Variants in DPH6 observed in about 807,000 individuals in gnomAD.
DPH6 encodes the protein diphthine--ammonia ligase.
DPH6 carries 33 observed loss-of-function variants against 38.2 expected under a neutral mutation model. That is an observed-to-expected ratio of 0.86 (90% confidence interval 0.65 to 1.15). DPH6 has a LOEUF of 1.15. Ranked by LOEUF, DPH6 falls within the 50% of genes most tolerant of loss-of-function variation. The pLI, the probability that DPH6 is intolerant of heterozygous loss-of-function variation, is 0.00. For synonymous variants in DPH6, 108 were observed against 103.0 expected (o/e 1.05, Z -0.30); for missense variants, 325 against 320.0 (o/e 1.02, Z -0.12).
the DPH6 span, among the ~76,000 whole-genome samples, chr15:35,151,743 A>G: frequency 1.1e-4 from 16 of 152,256 alleles, no homozygotes; most frequent in Non-Finnish European, 2.9e-5. Flanking sequence ...CTGAACTAGA[A>G]TAAGAAAGCT....
chr15:35,236,046 T>C (rs2140396314), intron 3 of DPH6, among the ~76,000 whole-genome samples: 1 of 152,312 alleles, frequency 6.6e-6, no homozygotes, highest in African/African-American at 2.4e-5. Context: ...ATCAAGTATT[T>C]AGATAGAACC....
chr15:35,336,388 T>C (rs914834175), intron 3 of DPH6, among the ~76,000 whole-genome samples: 2 of 152,158 alleles, frequency 1.3e-5, no homozygotes, highest in Admixed American at 1.3e-4. Context: ...CTTTTTTCTC[T>C]AAACTTCTCT....
At chr15:35,270,926 GA>G in intron 3 of DPH6, among the ~76,000 whole-genome samples, 1 of 152,292 alleles carries the variant, frequency 6.6e-6, no homozygotes, top group Admixed American at 6.5e-5. Context: ...CAGACACAGA[GA>G]AGTTCAGTAA....
chr15:35,256,422 C>A (rs181801355), intron 3 of DPH6, among the ~76,000 whole-genome samples: 2 of 152,236 alleles, frequency 1.3e-5, no homozygotes, highest in Admixed American at 1.3e-4. Flanking sequence ...CATGGTTAAA[C>A]CACAGTTATG....
At chr15:35,477,804 T>C (rs948507339) in intron 3 of DPH6, among the ~76,000 whole-genome samples, 4 of 151,878 alleles carry the variant, frequency 2.6e-5, no homozygotes, top group Non-Finnish European at 4.4e-5. Flanking sequence ...AAAAAGAAAA[T>C]TAGTGATAAT....
At chr15:35,162,842 A>G in the DPH6 span, among the ~76,000 whole-genome samples, 210 of 152,010 alleles carry the variant, frequency 1.4e-3, 1 homozygote, top group Non-Finnish European at 2.3e-3. Context: ...AGAAATTGCT[A>G]CTTATAAATT....
At chr15:35,333,244 A>G (rs896128077) in intron 3 of DPH6, among the ~76,000 whole-genome samples, 1 of 152,208 alleles carries the variant, frequency 6.6e-6, no homozygotes, top group Non-Finnish European at 1.5e-5. Flanking sequence ...AATGTGGCCA[A>G]TGACCACGTA....
At chr15:35,216,895 T>C (rs747524393), downstream of DPH6, among the ~76,000 whole-genome samples, 1 of 152,168 alleles carries the variant, frequency 6.6e-6, no homozygotes, top group African/African-American at 2.4e-5. Flanking sequence ...GTAGAACTGA[T>C]GGCATGTGAT....
At chr15:35,406,092 T>C (rs978795050) in intron 6 of DPH6, among the ~76,000 whole-genome samples, 1 of 152,064 alleles carries the variant, frequency 6.6e-6, no homozygotes, top group Non-Finnish European at 1.5e-5. Flanking sequence ...TTATATGCCA[T>C]GAGGCAAGAG....
At chr15:35,167,507 T>C in the DPH6 span, among the ~76,000 whole-genome samples, 1 of 151,368 alleles carries the variant, frequency 6.6e-6, no homozygotes, top group South Asian at 2.1e-4. Context: ...CCGTAGCCTG[T>C]AACAGAAGCT....
At chr15:35,164,223 C>G in the DPH6 span, among the ~76,000 whole-genome samples, 3 of 151,830 alleles carry the variant, frequency 2.0e-5, no homozygotes, top group African/African-American at 7.2e-5. Flanking sequence ...TTGGGCAAAA[C>G]TGCAAAATTC....
At chr15:35,490,104 C>A in intron 3 of DPH6, 2 of 985,368 alleles carry the variant, frequency 2.0e-6, no homozygotes, top group Non-Finnish European at 2.4e-6. Flanking sequence ...CCAGGCTCAC[C>A]AGCTCTTTTT....
At chr15:35,161,698 CTCTCTCTCTCTCTCTCATTCTCACTCTT>C in the DPH6 span, among the ~76,000 whole-genome samples, 2 of 228 alleles carry the variant, frequency 8.8e-3, no homozygotes, top group Non-Finnish European at 0.059. Context: ...TGTGCTCGCT[CTCTCTCTCTCTCTCTCATTCTCACTCTT>C]TCTCTCTCTG....
the DPH6 span, among the ~76,000 whole-genome samples, chr15:35,205,076 TC>T: frequency 6.6e-6 from 1 of 151,954 alleles, no homozygotes; most frequent in Non-Finnish European, 1.5e-5. Context: ...CATATGTGAT[TC>T]CATAAATAAA....
chr15:35,162,707 G>C, the DPH6 span, among the ~76,000 whole-genome samples: 65 of 151,794 alleles, frequency 4.3e-4, no homozygotes, highest in African/African-American at 1.5e-3. Context: ...TAAACTCCAT[G>C]AAGACAAGAT....
intron 3 of DPH6, among the ~76,000 whole-genome samples, chr15:35,525,642 A>G (rs1002064220): frequency 2.0e-5 from 3 of 152,082 alleles, no homozygotes; most frequent in African/African-American, 7.2e-5. Flanking sequence ...AAAATTGGCC[A>G]CCCTGGGCAA....
chr15:35,521,099 A>C, intron 3 of DPH6: 3 of 985,268 alleles, frequency 3.0e-6, no homozygotes, highest in Non-Finnish European at 3.6e-6. Context: ...TCAGCCAATA[A>C]AAGTCAAAAA....
chr15:35,311,766 G>A (rs1392884266), intron 3 of DPH6, among the ~76,000 whole-genome samples: 1 of 152,056 alleles, frequency 6.6e-6, no homozygotes. Flanking sequence ...TTTTAAAATA[G>A]AGTTGTCCAA....
chr15:35,270,182 A>G (rs2051813810), intron 3 of DPH6, among the ~76,000 whole-genome samples: 1 of 152,224 alleles, frequency 6.6e-6, no homozygotes, highest in Non-Finnish European at 1.5e-5. Flanking sequence ...TCTGTTAGCA[A>G]CCAAAAGAAT....
Sources: allele counts gnomAD v4.1 joint callset (sites outside exome capture counted in the v4.1 genomes callset), GRCh38; gene constraint gnomAD v4.1.1; transcripts MANE v1.5; gene names NCBI Gene and HGNC (gene_info 2026-07-23, HGNC 2026-07-21).